ADD1: variants seen among roughly 807,000 people sequenced by gnomAD.
ADD1 encodes the protein alpha-adducin.
In ADD1, 24 loss-of-function variants were observed where a neutral mutation model predicts 80.5. That is an observed-to-expected ratio of 0.30 (90% CI 0.22 to 0.42). The LOEUF (loss-of-function observed/expected upper bound fraction) is 0.42. Among genes scored for constraint, ADD1 ranks in the 10% least tolerant of loss-of-function variants. ADD1 has a pLI of 1.00. For synonymous variants in ADD1, 373 were observed against 393.8 expected, an observed-to-expected ratio of 0.95 and a Z score of 0.63; for missense variants, 948 against 1,019.0, an observed-to-expected ratio of 0.93 and a Z score of 0.95.
chr4:2,930,050 A>G lies in ADD1; in HGVS notation c.*1527A>G, dbSNP rs1366106083. 2.6e-5 allele frequency: 4 copies of G among 152,500 alleles called. No homozygotes were observed. The highest frequency in any genetic ancestry group is 6.5e-5 in the Admixed American group (1 of 15,292). The allele number at this position is 152,500 out of a possible 1,614,324, so 9.4% of individuals were successfully genotyped here. A position where few individuals can be genotyped will look rare whatever the true frequency, so the allele number is the denominator to read the frequency against. On this transcript the variant is annotated 3_prime_UTR_variant, in exon 16 of 16. Transcript: ENST00000683351. ...GTAACATGTTTTACTCACAAATAAA[A>G]TTCTTTCAGCAAGTTCCTTGTCTAA...
In ADD1 at chr4:2,928,645, C is replaced by A; in HGVS notation, c.*122C>A. ...AAAGCCAAGCCCTCCGCCTAGAGGT[C>A]CCCTCACGTGACCAGCCCCGTGTAG... On this transcript the variant is annotated 3_prime_UTR_variant, in exon 16 of 16. Coordinates refer to ENST00000683351, the MANE Select transcript of ADD1 (RefSeq NM_001354761.2). 2 of 1,099,016 alleles carry A rather than the reference C, an allele frequency of 1.8e-6. No homozygotes were observed. Among genetic ancestry groups the A allele is most frequent in the Non-Finnish European group, 2.6e-6 (2 of 758,860 alleles). The allele number at this position is 1,099,016 out of a possible 1,614,324, so 68.1% of individuals were successfully genotyped here.
At chr4:2,871,263 G>A (rs1730410043) in intron 1 of ADD1, among the ~76,000 whole-genome samples, 1 of 152,032 alleles carries the variant, frequency 6.6e-6, no homozygotes, top group Non-Finnish European at 1.5e-5. Context: ...GAGCCACCGT[G>A]CCTGGCCAAC....
At chr4:2,878,188 G>C (rs569478677) in intron 2 of ADD1, among the ~76,000 whole-genome samples, 1 of 152,312 alleles carries the variant, frequency 6.6e-6, no homozygotes, top group Admixed American at 6.5e-5. Context: ...AGAATCATTG[G>C]AGGGCTGCAG....
chr4:2,866,299 TG>T (rs1729539866), intron 1 of ADD1, among the ~76,000 whole-genome samples: 1 of 152,100 alleles, frequency 6.6e-6, no homozygotes, highest in South Asian at 2.1e-4. Context: ...CTGGAATAGC[TG>T]GGACTACAGG....
intron 1 of ADD1, among the ~76,000 whole-genome samples, chr4:2,870,862 C>T (rs1730315726): frequency 1.3e-5 from 2 of 152,044 alleles, no homozygotes; most frequent in Admixed American, 6.5e-5. Context: ...TTTTCAGTTC[C>T]ATGTGCCTCC....
At chr4:2,893,429 A>C (rs993947094) in intron 4 of ADD1, among the ~76,000 whole-genome samples, 1 of 152,100 alleles carries the variant, frequency 6.6e-6, no homozygotes, top group African/African-American at 2.4e-5. Flanking sequence ...CCTGGCCAGC[A>C]TGGCGAAACC....
At chr4:2,903,100 AAG>A (rs1258641824) in intron 9 of ADD1, among the ~76,000 whole-genome samples, 5 of 152,176 alleles carry the variant, frequency 3.3e-5, no homozygotes, top group Non-Finnish European at 5.9e-5. Flanking sequence ...GCCCCCAAAA[AAG>A]AGCAGTACCC....
rs144990476 is a variant in ADD1 at position 2,865,726 on chromosome 4, G to A, written c.-20-10170G>A. The stretch of plus-strand genomic sequence containing the variant: ...TAAAATCCAACTCAAACCTTACTTA[G>A]CAAACCACCCTCACAGAGTGAAATT... On this transcript the variant is annotated intron_variant, in intron 1 of 15. Coordinates refer to ENST00000683351, the MANE Select transcript of ADD1 (RefSeq NM_001354761.2). 9.9e-4 allele frequency among the ~76,000 whole-genome samples: 150 copies of A among 152,044 alleles called. 1 individual carries two copies. The highest frequency in any genetic ancestry group is 3.5e-3 in the Admixed American group (54 of 15,280).
At chr4:2,878,246 G>T (rs769978768) in intron 2 of ADD1, among the ~76,000 whole-genome samples, 4 of 152,158 alleles carry the variant, frequency 2.6e-5, no homozygotes, top group Non-Finnish European at 4.4e-5. Flanking sequence ...TCTGGGTTTG[G>T]TTTAGAGAGA....
chr4:2,889,811 G>C (rs567691431), intron 4 of ADD1, among the ~76,000 whole-genome samples: 109 of 151,948 alleles, frequency 7.2e-4, no homozygotes, highest in Non-Finnish European at 1.4e-3. Context: ...GGCAGAGTGA[G>C]ACCCTGTCTC....
At chr4:2,852,104 G>A (rs1727178191) in intron 1 of ADD1, among the ~76,000 whole-genome samples, 1 of 151,732 alleles carries the variant, frequency 6.6e-6, no homozygotes, top group Admixed American at 6.6e-5. Flanking sequence ...CCAAAGTGCT[G>A]GGATTACAGG....
In ADD1 at chr4:2,893,976, T is replaced by C. The variant is rs773664844; in HGVS notation, c.511-37T>C. ...CTGAAAGAGATGCAAATAATTTCAC[T>C]TGGATCTTTGAGCTAATTCAGTCAT... On this transcript the variant is annotated intron_variant, in intron 4 of 15. Coordinates refer to ENST00000683351, the MANE Select transcript of ADD1 (RefSeq NM_001354761.2). The C allele has an allele frequency of 1.1e-5, 17 of 1,572,716 alleles. No homozygotes were observed. In the South Asian group the frequency reaches 1.7e-4, roughly 15 times the overall value.
In ADD1 at chr4:2,926,638, G is replaced by T; in HGVS notation, c.2047+526G>T. The stretch of plus-strand genomic sequence containing the variant: ...TTTTCTCCCTGTGGCTGCGTCACAA[G>T]CAGGAGACGGATGCGCTAGAGAGTA... On this transcript the variant is annotated intron_variant, in intron 15 of 15. Coordinates refer to ENST00000683351, the MANE Select transcript of ADD1 (RefSeq NM_001354761.2). The surrounding 1 kb of genome is among the most constrained non-coding windows in gnomAD (Gnocchi z 5.0). 1 of 1,613,754 alleles carries T rather than the reference G, an allele frequency of 6.2e-7. No individual in the cohort carries two copies. The highest frequency in any genetic ancestry group is 8.5e-7 in the Non-Finnish European group (1 of 1,179,846).
At chr4:2,925,359 AT>A (rs1560263116) in intron 14 of ADD1, among the ~76,000 whole-genome samples, 1 of 151,794 alleles carries the variant, frequency 6.6e-6, no homozygotes, top group Non-Finnish European at 1.5e-5. Flanking sequence ...ATCCTAAGCT[AT>A]TAATCTTAAA....
rs111950995 is a variant in ADD1 at position 2,927,721 on chromosome 4, C to T, written c.2048-450C>T. ...CACAACGTGCTGTGGGAGTTATGCA[C>T]GATTTTCTACTGGCTGTTTTGGGGG... On this transcript the variant is annotated intron_variant, in intron 15 of 15. Transcript: ENST00000683351. 5.9e-3 allele frequency among the ~76,000 whole-genome samples: 904 copies of T among 152,278 alleles called. 4 individuals carry two copies. The highest frequency in any genetic ancestry group is 0.02 in the African/African-American group (847 of 41,542).
At chr4:2,861,758 T>A (rs967637213) in intron 1 of ADD1, among the ~76,000 whole-genome samples, 9 of 152,262 alleles carry the variant, frequency 5.9e-5, no homozygotes, top group African/African-American at 2.2e-4. Context: ...GTGGCTCTAA[T>A]GTATGACGAG....
At chr4:2,876,967 A>G (rs1560174615) in intron 2 of ADD1, among the ~76,000 whole-genome samples, 2 of 148,812 alleles carry the variant, frequency 1.3e-5, no homozygotes, top group African/African-American at 5.0e-5. Flanking sequence ...GTGCTACTGC[A>G]CTCCAGCCTG....
intron 1 of ADD1, among the ~76,000 whole-genome samples, chr4:2,852,207 C>CTTTCCTTTCCTTCCTTTCCTTT (rs1553815097): frequency 1.5e-5 from 1 of 66,102 alleles, no homozygotes; most frequent in African/African-American, 6.0e-5. Context: ...TCCTTTCTTT[C>CTTTCCTTTCCTTCCTTTCCTTT]CTTTCCTTTC....
intron 3 of ADD1, among the ~76,000 whole-genome samples, chr4:2,883,053 G>T (rs1732632118): frequency 6.6e-6 from 1 of 152,046 alleles, no homozygotes; most frequent in Non-Finnish European, 1.5e-5. Context: ...AGTAGAGACG[G>T]ATTTCGCCAT....
Sources: gnomAD v4.1 joint callset for allele counts (sites outside exome capture counted in the v4.1 genomes callset) on GRCh38, gnomAD v4.1.1 for gene constraint, Gnocchi (gnomAD v3.1) non-coding constraint, MANE v1.5 for transcripts, NCBI Gene and HGNC (gene_info 2026-07-23, HGNC 2026-07-21) for gene names.